HMGCLL1: variants seen among roughly 807,000 people sequenced by gnomAD.
The protein encoded by HMGCLL1 is 3-hydroxymethyl-3-methylglutaryl-CoA lyase, cytoplasmic.
HMGCLL1 carries 36 observed loss-of-function variants against 39.1 expected under a neutral mutation model. The ratio of observed to expected loss-of-function variants is 0.92; its 90% confidence interval spans 0.71 to 1.22. The LOEUF is 1.22. HMGCLL1 is among the 50% of genes most tolerant of loss of function. The pLI is 0.00. For synonymous variants in HMGCLL1, 149 were observed against 144.0 expected, an observed-to-expected ratio of 1.03 and a Z score of -0.25; for missense variants, 451 against 416.5, an observed-to-expected ratio of 1.08 and a Z score of -0.72.
intron 3 of HMGCLL1, among the ~76,000 whole-genome samples, chr6:55,533,704 G>C (rs1768825673): frequency 2.0e-5 from 3 of 149,606 alleles, no homozygotes; most frequent in Admixed American, 6.7e-5. Context: ...GGCTAACACG[G>C]TGAAACCCCG....
intron 7 of HMGCLL1, among the ~76,000 whole-genome samples, chr6:55,471,148 C>CT (rs1165743075): frequency 1.3e-5 from 2 of 151,824 alleles, no homozygotes; most frequent in South Asian, 2.1e-4. Context: ...GTAAATTTGT[C>CT]TTTTTTTGGA....
At chr6:55,564,044 G>T in intron 1 of HMGCLL1, 1 of 432,154 alleles carries the variant, frequency 2.3e-6, no homozygotes, top group Non-Finnish European at 4.6e-6. Flanking sequence ...TCATGAAAGT[G>T]CATTCAGTGA....
the HMGCLL1 span, among the ~76,000 whole-genome samples, chr6:55,650,043 C>A: frequency 8.1e-6 from 1 of 122,734 alleles, no homozygotes; most frequent in Non-Finnish European, 1.7e-5. Context: ...ATTTTGAATT[C>A]TCTGTCTGAA....
At chr6:55,532,818 T>A (rs200611370) in intron 3 of HMGCLL1, among the ~76,000 whole-genome samples, 21,799 of 78,290 alleles carry the variant, frequency 0.28, 2,208 homozygotes, top group Admixed American at 0.43. Context: ...ATAATAATAA[T>A]AATAATAATA....
At chr6:55,610,843 G>A in the HMGCLL1 span, among the ~76,000 whole-genome samples, 1 of 152,074 alleles carries the variant, frequency 6.6e-6, no homozygotes, top group Non-Finnish European at 1.5e-5. Flanking sequence ...TCTCTCAGCA[G>A]AAACTCTACA....
chr6:55,584,427 A>G, the HMGCLL1 span, among the ~76,000 whole-genome samples: 6 of 152,114 alleles, frequency 3.9e-5, no homozygotes, highest in Admixed American at 3.9e-4. Context: ...CATGCTCTAC[A>G]CTTACTCCCA....
intron 2 of HMGCLL1, 95 bp from the exon 3 acceptor site, chr6:55,541,931 G>C: frequency 1.1e-6 from 1 of 941,478 alleles, no homozygotes; most frequent in South Asian, 1.6e-5. Flanking sequence ...AGTATTATTT[G>C]TAATTTACAA....
upstream of HMGCLL1, among the ~76,000 whole-genome samples, chr6:55,583,154 G>C (rs899023066): frequency 6.6e-6 from 1 of 151,868 alleles, no homozygotes. Flanking sequence ...TTGGTAATTT[G>C]CTTATGTAAA....
chr6:55,605,888 T>C, the HMGCLL1 span, among the ~76,000 whole-genome samples: 1 of 152,178 alleles, frequency 6.6e-6, no homozygotes, highest in South Asian at 2.1e-4. Context: ...ATTTTAATTT[T>C]CCATCAATGA....
chr6:55,612,306 A>T, the HMGCLL1 span, among the ~76,000 whole-genome samples: 1 of 152,212 alleles, frequency 6.6e-6, no homozygotes, highest in African/African-American at 2.4e-5. Context: ...GAGGACAAAA[A>T]CAAATGGAAA....
At chr6:55,556,397 T>C (rs1490255197) in intron 1 of HMGCLL1, among the ~76,000 whole-genome samples, 1 of 152,126 alleles carries the variant, frequency 6.6e-6, no homozygotes, top group Non-Finnish European at 1.5e-5. Context: ...CAGCCTTCTA[T>C]TCAAGGGGAC....
rs1284921211 is a variant in HMGCLL1 at position 55,578,980 on chromosome 6, C to T, written c.76G>A (p.Asp26Asn). The T allele has an allele frequency of 6.2e-7, 1 of 1,613,450 alleles. No individual in the cohort carries two copies. Among genetic ancestry groups the T allele is most frequent in the Admixed American group, 1.7e-5 (1 of 59,988 alleles). Residue 26 changes from aspartate (D) to asparagine (N), a missense_variant, in exon 1 of 9, where the codon GAT becomes AAT. Physicochemically the swap from Asp to Asn is conservative, Grantham distance 23. Coordinates refer to ENST00000274901, the MANE Select transcript of HMGCLL1 (RefSeq NM_001042406.2). Reference sequence around the variant, plus strand: ...GGGTCGAGCGCCCCTGCCACTGAATCCCCGATCCAGAGATGCTCCCGGAGA... The same window carrying T: ...GGGTCGAGCGCCCCTGCCACTGAATTCCCGATCCAGAGATGCTCCCGGAGA... ...QLLREHLWIG[D>N]SVAGALDPAQ...
At chr6:55,459,985 T>C (rs115583595) in intron 7 of HMGCLL1, among the ~76,000 whole-genome samples, 2,798 of 152,120 alleles carry the variant, frequency 0.018, 83 homozygotes, top group African/African-American at 0.063. Context: ...CTAATGTCTA[T>C]AGAACATCTG....
the HMGCLL1 span, among the ~76,000 whole-genome samples, chr6:55,651,191 G>A: frequency 1.9e-4 from 29 of 152,150 alleles, no homozygotes; most frequent in Non-Finnish European, 4.4e-5. Context: ...AGTTCCTGCA[G>A]CATACTCCCT....
chr6:55,519,251 G>T (rs1210859849), intron 3 of HMGCLL1, among the ~76,000 whole-genome samples: 1 of 152,038 alleles, frequency 6.6e-6, no homozygotes, highest in Non-Finnish European at 1.5e-5. Flanking sequence ...AGTCTAGATA[G>T]GAGAGGCCAA....
At chr6:55,652,130 T>C in the HMGCLL1 span, among the ~76,000 whole-genome samples, 2 of 152,070 alleles carry the variant, frequency 1.3e-5, no homozygotes, top group Non-Finnish European at 2.9e-5. Context: ...AGTTCCGTGG[T>C]CACGGGGAGG....
At chr6:55,465,178 T>C (rs2127399147) in intron 7 of HMGCLL1, among the ~76,000 whole-genome samples, 1 of 152,194 alleles carries the variant, frequency 6.6e-6, no homozygotes, top group East Asian at 1.9e-4. Flanking sequence ...AGTACTTTAT[T>C]GTTTTTGCTG....
At chr6:55,438,868 A>C (rs1294719341) in intron 8 of HMGCLL1, among the ~76,000 whole-genome samples, 2 of 152,086 alleles carry the variant, frequency 1.3e-5, no homozygotes, top group African/African-American at 4.8e-5. Context: ...CATAGGGCAA[A>C]ACAAGGTGCT....
chr6:55,669,525 TC>T, the HMGCLL1 span, among the ~76,000 whole-genome samples: 3 of 151,652 alleles, frequency 2.0e-5, no homozygotes, highest in Non-Finnish European at 2.9e-5. Flanking sequence ...TAAAATACAA[TC>T]AATAGACACC....
Sources: allele counts gnomAD v4.1 joint callset (sites outside exome capture counted in the v4.1 genomes callset), GRCh38; gene constraint gnomAD v4.1.1; transcripts MANE v1.5; gene names NCBI Gene and HGNC (gene_info 2026-07-23, HGNC 2026-07-21).